Variants in INPP4B observed in about 807,000 individuals in gnomAD.
INPP4B encodes the protein inositol polyphosphate-4-phosphatase type II B, also known as inositol polyphosphate 4-phosphatase type II.
Under a neutral mutation model 122.5 loss-of-function variants are expected in INPP4B, and 55 were observed. The observed-to-expected ratio is 0.45, with a 90% CI of 0.36 to 0.56. INPP4B has a LOEUF of 0.56. Among genes scored for constraint, INPP4B ranks in the 20% least tolerant of loss-of-function variants. INPP4B has a pLI of 0.00. For missense variants in INPP4B, 1,000 were observed against 1,097.7 expected, an observed-to-expected ratio of 0.91 and a Z score of 1.26; for synonymous variants, 403 against 388.7, an observed-to-expected ratio of 1.04 and a Z score of -0.43.
At chr4:142,840,624 C>T (rs1363486722) in intron 1 of INPP4B, among the ~76,000 whole-genome samples, 1 of 151,972 alleles carries the variant, frequency 6.6e-6, no homozygotes, top group Non-Finnish European at 1.5e-5. Flanking sequence ...TTTATTAACT[C>T]ACTATGATGT....
At chr4:142,069,285 G>A (rs1192445560) in intron 25 of INPP4B, among the ~76,000 whole-genome samples, 1 of 152,186 alleles carries the variant, frequency 6.6e-6, no homozygotes, top group Non-Finnish European at 1.5e-5. Flanking sequence ...TGAAACCAAT[G>A]AGAACAAACA....
intron 2 of INPP4B, among the ~76,000 whole-genome samples, chr4:142,580,599 TG>T (rs529342962): frequency 2.3e-3 from 352 of 152,084 alleles, no homozygotes; most frequent in African/African-American, 7.9e-3. Context: ...ACAAAGAACG[TG>T]TTTATGTGGT....
intron 25 of INPP4B, among the ~76,000 whole-genome samples, chr4:142,050,607 A>G (rs1226556283): frequency 5.3e-5 from 8 of 152,004 alleles, no homozygotes; most frequent in Admixed American, 4.6e-4. Flanking sequence ...AGACAATCCT[A>G]GGTCTGAATC....
intron 2 of INPP4B, among the ~76,000 whole-genome samples, chr4:142,659,090 AT>A (rs34290216): frequency 5.3e-4 from 80 of 150,800 alleles, no homozygotes; most frequent in African/African-American, 1.4e-3. Flanking sequence ...CAGTCCTATA[AT>A]TTTTTTTTTA....
At position 142,098,362 on chromosome 4, in the gene INPP4B, CA is replaced by C. The variant is rs575213760; in HGVS notation, c.2374+9730del. 8.6e-4 allele frequency among the ~76,000 whole-genome samples: 130 copies of C among 151,018 alleles called. 2 individuals carry two copies. Among genetic ancestry groups the C allele is most frequent in the South Asian group, 2.9e-3 (14 of 4,780 alleles). On this transcript the variant is annotated intron_variant, in intron 23 of 25. Coordinates refer to ENST00000262992, the MANE Select transcript of INPP4B (RefSeq NM_001101669.3). ...AACAAACAAACAACAACAACAACAA[CA>C]AAAAAAAAACTAACAACATTGGGGG...
At chr4:142,412,378 G>C (rs1163616305) in intron 5 of INPP4B, among the ~76,000 whole-genome samples, 1 of 151,750 alleles carries the variant, frequency 6.6e-6, no homozygotes, top group East Asian at 1.9e-4. Context: ...AGAATTTTAA[G>C]ACAGCAATTT....
At chr4:142,238,691 T>C (rs185414449) in intron 11 of INPP4B, among the ~76,000 whole-genome samples, 35 of 152,224 alleles carry the variant, frequency 2.3e-4, no homozygotes, top group African/African-American at 7.2e-4. Context: ...GTGAAGAAAC[T>C]GTATTTAGGG....
At chr4:142,531,805 C>A (rs1226629620) in intron 2 of INPP4B, among the ~76,000 whole-genome samples, 3 of 152,038 alleles carry the variant, frequency 2.0e-5, no homozygotes, top group African/African-American at 4.8e-5. Context: ...AACAAAGGAG[C>A]CAGAATTTGT....
rs532576795 is a variant in INPP4B at position 142,687,270 on chromosome 4, T to C, written c.-191+38569A>G. ...AAAGGTTTTTGATTATTTTTACTTA[T>C]TAAATTTCATCACATTCCAAAAGTG... On this transcript the variant is annotated intron_variant, in intron 2 of 25. Transcript: ENST00000262992. 3.3e-5 allele frequency among the ~76,000 whole-genome samples: 5 copies of C among 152,162 alleles called. 1 individual carries two copies. In the South Asian group the frequency reaches 1.0e-3, roughly 32 times the overall value.
intron 2 of INPP4B, among the ~76,000 whole-genome samples, chr4:142,714,605 G>A (rs1466431973): frequency 1.3e-5 from 2 of 152,068 alleles, no homozygotes; most frequent in Non-Finnish European, 2.9e-5. Flanking sequence ...ATTTGTTTTT[G>A]CTTTTCTCTT....
At chr4:142,310,246 G>T (rs970400406) in intron 8 of INPP4B, among the ~76,000 whole-genome samples, 1 of 151,974 alleles carries the variant, frequency 6.6e-6, no homozygotes, top group Non-Finnish European at 1.5e-5. Context: ...GCTACTCCAA[G>T]TTGAGATGTA....
chr4:142,800,740 T>C (rs1165796457), intron 1 of INPP4B, among the ~76,000 whole-genome samples: 1 of 152,192 alleles, frequency 6.6e-6, no homozygotes, highest in African/African-American at 2.4e-5. Flanking sequence ...TGTTAATTAC[T>C]TGTGTGTTAC....
chr4:142,156,425 A>T (rs1817239658), intron 17 of INPP4B, among the ~76,000 whole-genome samples: 2 of 152,130 alleles, frequency 1.3e-5, no homozygotes, highest in Admixed American at 1.3e-4. Flanking sequence ...AGCTGCTGGA[A>T]GCATCTGTTG....
intron 7 of INPP4B, among the ~76,000 whole-genome samples, chr4:142,316,360 T>A (rs1767654279): frequency 1.3e-5 from 2 of 152,202 alleles, no homozygotes; most frequent in African/African-American, 4.8e-5. Flanking sequence ...AGTCATCAGC[T>A]GGCCTCAAAG....
intron 11 of INPP4B, 47 bp downstream of exon 11, chr4:142,260,445 A>G (rs773469667): frequency 1.7e-5 from 20 of 1,163,966 alleles, no homozygotes; most frequent in Non-Finnish European, 2.4e-5. Context: ...CATAAAATTA[A>G]AATTCATTTT....
At chr4:142,691,404 T>A (rs571475555) in intron 2 of INPP4B, among the ~76,000 whole-genome samples, 1 of 151,910 alleles carries the variant, frequency 6.6e-6, no homozygotes, top group South Asian at 2.1e-4. Context: ...ACAGATGCCC[T>A]AGAAAAATTT....
At chr4:142,815,557 T>C (rs1780019403) in intron 1 of INPP4B, among the ~76,000 whole-genome samples, 1 of 152,160 alleles carries the variant, frequency 6.6e-6, no homozygotes, top group Non-Finnish European at 1.5e-5. Flanking sequence ...CTTCATGCTA[T>C]TCATTCTTTT....
chr4:142,268,644 A>G (rs1744212699), intron 10 of INPP4B, among the ~76,000 whole-genome samples: 2 of 152,162 alleles, frequency 1.3e-5, no homozygotes, highest in South Asian at 4.1e-4. Context: ...GAAATGTGGT[A>G]TATACCACAA....
chr4:142,246,055 A>ATATGTGTGTGTATACACACAT (rs1561601449), intron 11 of INPP4B, among the ~76,000 whole-genome samples: 3 of 50,384 alleles, frequency 6.0e-5, no homozygotes, highest in African/African-American at 1.4e-4. Flanking sequence ...CACACATTAT[A>ATATGTGTGTGTATACACACAT]TATATGTGTG....
Sources: gnomAD v4.1 joint callset for allele counts (sites outside exome capture counted in the v4.1 genomes callset) on GRCh38, gnomAD v4.1.1 for gene constraint, MANE v1.5 for transcripts, NCBI Gene and HGNC (gene_info 2026-07-23, HGNC 2026-07-21) for gene names.